DAB1: variants seen among roughly 807,000 people sequenced by gnomAD.
DAB1 encodes the protein DAB adaptor protein 1, also known as disabled homolog 1.
DAB1 carries 15 observed loss-of-function variants against 64.6 expected under a neutral mutation model. The observed-to-expected ratio is 0.23, with a 90% CI of 0.16 to 0.36. The LOEUF is 0.36. Among genes scored for constraint, DAB1 ranks in the 10% least tolerant of loss-of-function variants. The probability of loss-of-function intolerance (pLI) is 1.00; values close to 1 mark genes in which losing one functional copy is unlikely to be tolerated. For missense variants in DAB1, 596 were observed against 706.7 expected (o/e 0.84, Z 1.78); for synonymous variants, 235 against 251.9 (o/e 0.93, Z 0.64).
chr1:58,258,194 G>C (rs1029807217), intron 4 of DAB1, among the ~76,000 whole-genome samples: 12 of 152,118 alleles, frequency 7.9e-5, no homozygotes, highest in African/African-American at 2.4e-4. Context: ...CGAAGGAGCA[G>C]CTGTGTCTGT....
intron 5 of DAB1, among the ~76,000 whole-genome samples, chr1:57,939,384 A>G (rs566862267): frequency 7.2e-5 from 11 of 152,320 alleles, no homozygotes; most frequent in African/African-American, 2.6e-4. Flanking sequence ...TTTCCAGTGA[A>G]TGTCCCATAA....
intron 3 of DAB1, among the ~76,000 whole-genome samples, chr1:58,492,245 T>A (rs1050248588): frequency 2.6e-5 from 4 of 151,874 alleles, no homozygotes; most frequent in African/African-American, 9.7e-5. Flanking sequence ...TACCAGAATC[T>A]CTGAGACACA....
chr1:58,380,376 G>A (rs1026259911), intron 3 of DAB1, among the ~76,000 whole-genome samples: 3 of 152,142 alleles, frequency 2.0e-5, no homozygotes, highest in Non-Finnish European at 4.4e-5. Context: ...CATCACGATT[G>A]TAAGTTTCCT....
chr1:58,063,309 GA>G (rs1310025021), intron 5 of DAB1, among the ~76,000 whole-genome samples: 1 of 151,828 alleles, frequency 6.6e-6, no homozygotes, highest in Non-Finnish European at 1.5e-5. Context: ...CGTGACGCAA[GA>G]AAAAAAATGA....
chr1:57,295,060 C>G (rs1406013421), intron 1 of DAB1, among the ~76,000 whole-genome samples: 2 of 152,030 alleles, frequency 1.3e-5, no homozygotes, highest in South Asian at 4.1e-4. Context: ...TCAGTGGTTG[C>G]CAGAGGCCAG....
At chr1:57,371,812 AC>A (rs1407663558) in intron 1 of DAB1, among the ~76,000 whole-genome samples, 2 of 152,026 alleles carry the variant, frequency 1.3e-5, no homozygotes, top group Admixed American at 1.3e-4. Flanking sequence ...GCTACTTTAC[AC>A]CCCAGGGGAC....
At chr1:57,973,528 C>G (rs887193893) in intron 5 of DAB1, among the ~76,000 whole-genome samples, 1 of 152,126 alleles carries the variant, frequency 6.6e-6, no homozygotes, top group African/African-American at 2.4e-5. Context: ...AAATGTACAT[C>G]AATTTTAAGT....
chr1:58,289,442 T>G (rs1475237147), intron 4 of DAB1, among the ~76,000 whole-genome samples: 1 of 152,200 alleles, frequency 6.6e-6, no homozygotes, highest in Admixed American at 6.5e-5. Context: ...TTTCCCCTCA[T>G]TAAACTAAGT....
chr1:57,906,937 CAGATAGATAGATAGATAGAT>C lies in DAB1; in HGVS notation n.388-22795_388-22776del, dbSNP rs5774378. ...CATATAAAAATAAGAATATAATATGCAGATAGATAGATAGATAGATAGATAGATAGATAGATAGATAGATA... is the reference window on the plus strand; with the variant it reads ...CATATAAAAATAAGAATATAATATGCAGATAGATAGATAGATAGATAGATA... On this transcript the variant is annotated intron_variant and non_coding_transcript_variant, in intron 5 of 20. Transcript: ENST00000485760. Among the ~76,000 whole-genome samples, 118 of 146,844 alleles carry C rather than the reference CAGATAGATAGATAGATAGAT, an allele frequency of 8.0e-4. 1 individual carries two copies. Among genetic ancestry groups the C allele is most frequent in the African/African-American group, 2.5e-3 (100 of 39,412 alleles).
At chr1:57,641,378 G>GTTTTTT (rs1491296848) in intron 7 of DAB1, among the ~76,000 whole-genome samples, 1,677 of 109,440 alleles carry the variant, frequency 0.015, 128 homozygotes, top group African/African-American at 0.026. Flanking sequence ...TTTTTTTGTT[G>GTTTTTT]GTTTTTTTTT....
At chr1:58,034,010 G>A (rs868075551) in intron 5 of DAB1, among the ~76,000 whole-genome samples, 16 of 152,178 alleles carry the variant, frequency 1.1e-4, no homozygotes, top group Admixed American at 4.6e-4. Flanking sequence ...CCTGGTATTT[G>A]TGTCATGACA....
In DAB1 at chr1:57,444,992, T is replaced by G. The variant is rs554547000; in HGVS notation, n.626-153826A>C. On this transcript the variant is annotated intron_variant and non_coding_transcript_variant, in intron 7 of 20. Transcript: ENST00000485760. ...GAATGAGTGTTCATCGACGAAAAGT[T>G]GTATACATTCATCATTATATAGAAC... Among the ~76,000 whole-genome samples, 29 of 152,314 alleles carry G rather than the reference T, an allele frequency of 1.9e-4. 1 individual carries two copies. In the East Asian group the frequency reaches 5.6e-3, roughly 29 times the overall value.
intron 11 of DAB1, among the ~76,000 whole-genome samples, chr1:57,018,303 T>C (rs1160750067): frequency 1.3e-5 from 2 of 152,180 alleles, no homozygotes; most frequent in African/African-American, 2.4e-5. Flanking sequence ...GACACTTCTG[T>C]ATTAGCCTGG....
chr1:58,096,286 A>G (rs891480385), intron 5 of DAB1, among the ~76,000 whole-genome samples: 1 of 152,216 alleles, frequency 6.6e-6, no homozygotes, highest in African/African-American at 2.4e-5. Flanking sequence ...TTGGTTTACT[A>G]TCATACTATG....
intron 5 of DAB1, among the ~76,000 whole-genome samples, chr1:58,127,643 G>T (rs138887383): frequency 1.3e-5 from 2 of 152,194 alleles, no homozygotes; most frequent in Non-Finnish European, 2.9e-5. Flanking sequence ...TGTATAAGGT[G>T]TAAGGAACGG....
At chr1:57,983,482 G>A (rs1646117163) in intron 5 of DAB1, among the ~76,000 whole-genome samples, 1 of 152,100 alleles carries the variant, frequency 6.6e-6, no homozygotes, top group Admixed American at 6.5e-5. Flanking sequence ...CCATAGCCTG[G>A]GCACAGAACT....
chr1:58,211,968 A>G (rs182265874), intron 4 of DAB1, among the ~76,000 whole-genome samples: 95 of 152,150 alleles, frequency 6.2e-4, no homozygotes, highest in Non-Finnish European at 4.0e-4. Context: ...ACATTTCACA[A>G]CCTTACAAAA....
chr1:57,460,039 C>A (rs900452809), intron 7 of DAB1, among the ~76,000 whole-genome samples: 2 of 152,120 alleles, frequency 1.3e-5, no homozygotes, highest in Non-Finnish European at 2.9e-5. Context: ...GTGGGGCTAC[C>A]ACTAGCTCAT....
intron 3 of DAB1, among the ~76,000 whole-genome samples, chr1:58,471,349 A>G (rs142147020): frequency 1.3e-5 from 2 of 152,286 alleles, no homozygotes; most frequent in East Asian, 1.9e-4. Flanking sequence ...CTATCCTTGG[A>G]AAGTACTTGA....
Sources: allele counts gnomAD v4.1 joint callset (sites outside exome capture counted in the v4.1 genomes callset), GRCh38; gene constraint gnomAD v4.1.1; transcripts MANE v1.5; gene names NCBI Gene and HGNC (gene_info 2026-07-23, HGNC 2026-07-21).